The following MIB1 variants were observed in gnomAD, a reference collection of about 807,000 sequenced individuals.
MIB1 encodes the protein MIB E3 ubiquitin protein ligase 1, also known as E3 ubiquitin-protein ligase MIB1.
Under a neutral mutation model 124.5 loss-of-function variants are expected in MIB1, and 278 were observed. That is an observed-to-expected ratio of 2.23 (90% CI 2.02 to 2.47). The LOEUF (loss-of-function observed/expected upper bound fraction) is 2.47. Ranked by LOEUF, MIB1 falls within the 30% of genes most tolerant of loss-of-function variation. The pLI is 0.00. For synonymous variants in MIB1, 446 were observed against 429.4 expected (o/e 1.04, Z -0.48); for missense variants, 957 against 1,254.4 (o/e 0.76, Z 3.58).
intron 1 of MIB1, among the ~76,000 whole-genome samples, chr18:21,707,837 C>T (rs755824852): frequency 1.3e-5 from 2 of 152,158 alleles, no homozygotes; most frequent in Non-Finnish European, 2.9e-5. Flanking sequence ...TGAGCTTGGG[C>T]ATTATAACAA....
At chr18:21,790,815 AGG>A (rs990866188) in intron 6 of MIB1, among the ~76,000 whole-genome samples, 1 of 152,238 alleles carries the variant, frequency 6.6e-6, no homozygotes, top group Admixed American at 6.5e-5. Flanking sequence ...GAAAACATGC[AGG>A]GGAGAATAGA....
In MIB1 at chr18:21,843,204, C is replaced by G; in HGVS notation, c.2036C>G (p.Thr679Ser). ...ALHLAVERQH[T>S]QIVRLLVRAG... ...CACCTTGCTGTTGAACGACAGCATA[C>G]CCAGATTGTTAGGGTAAAGTATTGA... The change falls in exon 14 of 21, where the codon ACC (threonine) becomes AGC (serine). Residue 679 changes from threonine (T) to serine (S), a missense_variant. Physicochemically the swap from Thr to Ser is moderately conservative, Grantham distance 58. Coordinates refer to ENST00000261537, the MANE Select transcript of MIB1 (RefSeq NM_020774.4). 6.3e-7 allele frequency: 1 copy of G among 1,587,202 alleles called. No homozygotes were observed. The highest frequency in any genetic ancestry group is 8.6e-7 in the Non-Finnish European group (1 of 1,169,392).
chr18:21,767,222 G>A (rs2041171727), intron 2 of MIB1, among the ~76,000 whole-genome samples: 1 of 152,228 alleles, frequency 6.6e-6, no homozygotes, highest in African/African-American at 2.4e-5. Flanking sequence ...TTGACTTACA[G>A]TTCAGCATTG....
At chr18:21,843,029 C>A in intron 13 of MIB1, 102 bp from the exon 14 acceptor site, 2 of 723,326 alleles carry the variant, frequency 2.8e-6, no homozygotes, top group Non-Finnish European at 4.4e-6. Context: ...AGAAAGTAGC[C>A]AGCAGTGTTC....
intron 18 of MIB1, chr18:21,854,521 T>C (rs2042209215): frequency 6.5e-6 from 1 of 154,530 alleles, no homozygotes; most frequent in Non-Finnish European, 1.4e-5. Context: ...TTATTAGTTG[T>C]TCACACAGAT....
At chr18:21,734,170 G>A (rs902729104) in intron 1 of MIB1, among the ~76,000 whole-genome samples, 4 of 148,632 alleles carry the variant, frequency 2.7e-5, no homozygotes, top group Admixed American at 1.4e-4. Flanking sequence ...GCAGTGGCAC[G>A]ATTTTGGCTT....
intron 13 of MIB1, among the ~76,000 whole-genome samples, chr18:21,840,197 T>A (rs1015801199): frequency 6.6e-6 from 1 of 152,222 alleles, no homozygotes; most frequent in Non-Finnish European, 1.5e-5. Flanking sequence ...TACAGATTAC[T>A]TAGTATTTTC....
chr18:21,820,369 T>A (rs1411113459), intron 12 of MIB1, among the ~76,000 whole-genome samples: 1 of 152,224 alleles, frequency 6.6e-6, no homozygotes, highest in Admixed American at 6.5e-5. Flanking sequence ...TTCACTTTGA[T>A]TTTTATTTTG....
chr18:21,718,328 A>G (rs918118960), intron 1 of MIB1, among the ~76,000 whole-genome samples: 1 of 152,176 alleles, frequency 6.6e-6, no homozygotes, highest in African/African-American at 2.4e-5. Flanking sequence ...AAATTTCACA[A>G]ATCACCCCTA....
At chr18:21,765,322 G>A (rs770461690) in intron 1 of MIB1, among the ~76,000 whole-genome samples, 1 of 152,176 alleles carries the variant, frequency 6.6e-6, no homozygotes, top group African/African-American at 2.4e-5. Context: ...GGTGGTAAAT[G>A]CTTAGGTTAA....
rs1470641481 is a variant in MIB1, at chr18:21,768,764, C to G, written c.531+12C>G. 3 of 1,602,916 alleles carry G rather than the reference C, an allele frequency of 1.9e-6. No individual in the cohort carries two copies. Among genetic ancestry groups the G allele is most frequent in the Non-Finnish European group, 2.6e-6 (3 of 1,174,432 alleles). On this transcript the variant is annotated intron_variant, in intron 3 of 20. Transcript: ENST00000261537. ...GACGTAGGGGAAAGGTACAGTGTTTCTCTGAATTCATTATGTATTCTAGAG... is the reference window on the plus strand; with the variant it reads ...GACGTAGGGGAAAGGTACAGTGTTTGTCTGAATTCATTATGTATTCTAGAG...
rs767897866 is a variant in MIB1 at position 21,822,425 on chromosome 18, G to A, written c.1829+2779G>A. Among the ~76,000 whole-genome samples, 9 of 151,982 alleles carry A rather than the reference G, an allele frequency of 5.9e-5. 1 individual carries two copies. The highest frequency in any genetic ancestry group is 3.3e-4 in the Admixed American group (5 of 15,256). ...AGGGTTCCCCTGAAAATTTAAAACA[G>A]CACCTCTTCCAACCAGATATTTGGT... is the stretch of plus-strand genomic sequence containing the variant. On this transcript the variant is annotated intron_variant, in intron 12 of 20. Transcript: ENST00000261537.
At chr18:21,845,412 G>A (rs1017548266) in intron 15 of MIB1, among the ~76,000 whole-genome samples, 9 of 152,112 alleles carry the variant, frequency 5.9e-5, no homozygotes, top group African/African-American at 2.2e-4. Context: ...TTTTGTGTGT[G>A]TTCTGTCTGA....
intron 1 of MIB1, among the ~76,000 whole-genome samples, chr18:21,713,631 A>T (rs1176989987): frequency 6.6e-6 from 1 of 150,664 alleles, no homozygotes; most frequent in African/African-American, 2.4e-5. Context: ...AAAAAAAAAA[A>T]AAAAAAGCTT....
At chr18:21,801,563 G>A (rs2041650894) in intron 9 of MIB1, among the ~76,000 whole-genome samples, 1 of 152,020 alleles carries the variant, frequency 6.6e-6, no homozygotes, top group Admixed American at 6.6e-5. Flanking sequence ...TACCACCCAC[G>A]TAGTCCACAC....
chr18:21,803,364 T>G (rs1598618808), intron 9 of MIB1, among the ~76,000 whole-genome samples: 1 of 152,166 alleles, frequency 6.6e-6, no homozygotes, highest in East Asian at 1.9e-4. Context: ...GTCCACAACA[T>G]CTGAAGTGAA....
At chr18:21,733,285 C>A (rs1256751879) in intron 1 of MIB1, among the ~76,000 whole-genome samples, 2 of 152,140 alleles carry the variant, frequency 1.3e-5, no homozygotes, top group Non-Finnish European at 2.9e-5. Flanking sequence ...TAAGCTGAAC[C>A]AACTGAGATG....
chr18:21,810,454 G>C (rs914564174), intron 10 of MIB1, among the ~76,000 whole-genome samples: 6 of 152,018 alleles, frequency 3.9e-5, no homozygotes, highest in African/African-American at 1.4e-4. Flanking sequence ...AGAAAGAACA[G>C]AAGTTGGAGG....
intron 6 of MIB1, among the ~76,000 whole-genome samples, chr18:21,782,227 G>A (rs1408742490): frequency 6.6e-6 from 1 of 152,010 alleles, no homozygotes; most frequent in African/African-American, 2.4e-5. Flanking sequence ...GGTTCAAACG[G>A]TTCTCCTGCC....
Sources: gnomAD v4.1 joint callset for allele counts (sites outside exome capture counted in the v4.1 genomes callset) on GRCh38, gnomAD v4.1.1 for gene constraint, MANE v1.5 for transcripts, NCBI Gene and HGNC (gene_info 2026-07-23, HGNC 2026-07-21) for gene names.